The following HS6ST3 variants were observed in gnomAD, a reference collection of about 807,000 sequenced individuals.
HS6ST3 encodes heparan-sulfate 6-O-sulfotransferase 3.
HS6ST3 carries 12 observed loss-of-function variants against 36.7 expected under a neutral mutation model. That is an observed-to-expected ratio of 0.33 (90% CI 0.21 to 0.53). The LOEUF (loss-of-function observed/expected upper bound fraction) is 0.53, where lower values mean the gene tolerates loss of function less well. Ranked by LOEUF, HS6ST3 falls within the 20% of genes least tolerant of loss-of-function variation. The pLI, the probability that HS6ST3 is intolerant of heterozygous loss-of-function variation, is 0.95. For synonymous variants in HS6ST3, 240 were observed against 257.5 expected (o/e 0.93, Z 0.65); for missense variants, 584 against 640.9 (o/e 0.91, Z 0.96).
At chr13:96,271,272 A>C (rs760304639) in intron 1 of HS6ST3, among the ~76,000 whole-genome samples, 8 of 151,966 alleles carry the variant, frequency 5.3e-5, no homozygotes, top group Non-Finnish European at 1.2e-4. Flanking sequence ...GTGTGTGAAG[A>C]ATCCCAAGAG....
At chr13:96,319,716 T>C (rs539281142) in intron 1 of HS6ST3, among the ~76,000 whole-genome samples, 1 of 152,360 alleles carries the variant, frequency 6.6e-6, no homozygotes, top group East Asian at 1.9e-4. Context: ...AACATTACAA[T>C]GTTAACACTA....
intron 1 of HS6ST3, among the ~76,000 whole-genome samples, chr13:96,707,588 A>G (rs1875459881): frequency 6.6e-6 from 1 of 152,216 alleles, no homozygotes; most frequent in South Asian, 2.1e-4. Flanking sequence ...CCTGACTCCA[A>G]GAACCTACAT....
At chr13:96,108,375 A>C (rs1224036685) in intron 1 of HS6ST3, among the ~76,000 whole-genome samples, 1 of 152,218 alleles carries the variant, frequency 6.6e-6, no homozygotes, top group Admixed American at 6.5e-5. Context: ...CGATGCGTGC[A>C]CAGTGGGACA....
At chr13:96,385,580 A>G (rs1291024020) in intron 1 of HS6ST3, among the ~76,000 whole-genome samples, 3 of 152,200 alleles carry the variant, frequency 2.0e-5, no homozygotes, top group African/African-American at 7.2e-5. Flanking sequence ...CCTGCCCACT[A>G]CAGATATTTA....
At chr13:96,100,521 T>C (rs1345396374) in intron 1 of HS6ST3, among the ~76,000 whole-genome samples, 1 of 152,162 alleles carries the variant, frequency 6.6e-6, no homozygotes, top group Non-Finnish European at 1.5e-5. Context: ...GTTATCAGTA[T>C]TTTTTGCCTG....
At chr13:96,630,654 G>A (rs1199726677) in intron 1 of HS6ST3, among the ~76,000 whole-genome samples, 1 of 152,104 alleles carries the variant, frequency 6.6e-6, no homozygotes, top group Non-Finnish European at 1.5e-5. Flanking sequence ...CAAATAGAGA[G>A]TCAGGGTCAC....
At chr13:96,428,655 G>A (rs991307795) in intron 1 of HS6ST3, among the ~76,000 whole-genome samples, 10 of 152,190 alleles carry the variant, frequency 6.6e-5, no homozygotes, top group African/African-American at 2.4e-4. Flanking sequence ...ATAATGTCAG[G>A]TACAAGGAGA....
intron 1 of HS6ST3, among the ~76,000 whole-genome samples, chr13:96,404,822 C>T (rs535600646): frequency 1.3e-4 from 20 of 152,280 alleles, no homozygotes; most frequent in Admixed American, 6.5e-4. Context: ...TGTCCCCACC[C>T]AAATCTCATC....
chr13:96,107,822 A>G (rs747443423), intron 1 of HS6ST3, among the ~76,000 whole-genome samples: 4 of 152,206 alleles, frequency 2.6e-5, no homozygotes, highest in Admixed American at 6.5e-5. Context: ...CACTTCCCCA[A>G]TCAATACTCT....
At chr13:96,408,064 C>T (rs939671216) in intron 1 of HS6ST3, among the ~76,000 whole-genome samples, 7 of 152,228 alleles carry the variant, frequency 4.6e-5, no homozygotes, top group Admixed American at 1.3e-4. Flanking sequence ...CTCAGCCTCC[C>T]GAGTAGCTGG....
intron 1 of HS6ST3, among the ~76,000 whole-genome samples, chr13:96,420,460 C>G (rs989897988): frequency 2.0e-5 from 3 of 151,994 alleles, no homozygotes; most frequent in African/African-American, 7.3e-5. Flanking sequence ...CACTTAGACT[C>G]GGTGGATGAG....
At chr13:96,339,910 C>A (rs2055121592) in intron 1 of HS6ST3, among the ~76,000 whole-genome samples, 1 of 152,186 alleles carries the variant, frequency 6.6e-6, no homozygotes, top group South Asian at 2.1e-4. Flanking sequence ...GAAATTATTT[C>A]CAGAAGGAGG....
chr13:96,822,773 A>G (rs1340689627), intron 1 of HS6ST3, among the ~76,000 whole-genome samples: 1 of 152,224 alleles, frequency 6.6e-6, no homozygotes, highest in Non-Finnish European at 1.5e-5. Flanking sequence ...TACAAACTAC[A>G]TCTCAAGAGG....
intron 1 of HS6ST3, among the ~76,000 whole-genome samples, chr13:96,589,991 T>A (rs897742112): frequency 1.3e-5 from 2 of 152,180 alleles, no homozygotes; most frequent in Non-Finnish European, 2.9e-5. Context: ...TCCAGTTCCA[T>A]CTATGTTGTT....
chr13:96,455,579 G>A (rs980276354), intron 1 of HS6ST3, among the ~76,000 whole-genome samples: 6 of 152,066 alleles, frequency 3.9e-5, no homozygotes, highest in African/African-American at 1.4e-4. Flanking sequence ...GTTATCTACT[G>A]TGTGGTCAAT....
intron 1 of HS6ST3, among the ~76,000 whole-genome samples, chr13:96,811,488 G>T (rs1473954099): frequency 6.6e-6 from 1 of 152,120 alleles, no homozygotes; most frequent in African/African-American, 2.4e-5. Context: ...TATCAAAGAA[G>T]AACTTAATAT....
chr13:96,810,139 G>A (rs1398150981), intron 1 of HS6ST3, among the ~76,000 whole-genome samples: 1 of 152,204 alleles, frequency 6.6e-6, no homozygotes, highest in Non-Finnish European at 1.5e-5. Context: ...AGAGGCCGCT[G>A]TGAGGCACCC....
At chr13:96,707,001 C>T (rs1875444338) in intron 1 of HS6ST3, among the ~76,000 whole-genome samples, 1 of 152,142 alleles carries the variant, frequency 6.6e-6, no homozygotes, top group East Asian at 1.9e-4. Flanking sequence ...CAGACTAATA[C>T]AACATGCAAA....
At chr13:96,181,776 C>A (rs972260982) in intron 1 of HS6ST3, among the ~76,000 whole-genome samples, 1 of 152,134 alleles carries the variant, frequency 6.6e-6, no homozygotes, top group African/African-American at 2.4e-5. Context: ...GAACCCCCGC[C>A]CTTCAAAGCT....
Sources: gnomAD v4.1 joint callset for allele counts (sites outside exome capture counted in the v4.1 genomes callset) on GRCh38, gnomAD v4.1.1 for gene constraint, MANE v1.5 for transcripts, NCBI Gene and HGNC (gene_info 2026-07-23, HGNC 2026-07-21) for gene names.